FAM83B: variants seen among roughly 807,000 people sequenced by gnomAD.
The protein encoded by FAM83B is protein FAM83B.
FAM83B carries 26 observed loss-of-function variants against 38.8 expected under a neutral mutation model. The ratio of observed to expected loss-of-function variants is 0.67; its 90% confidence interval spans 0.49 to 0.93. The LOEUF (loss-of-function observed/expected upper bound fraction) is 0.93. FAM83B is among the 40% of genes least tolerant of loss of function. The pLI is 0.00. For synonymous variants in FAM83B, 419 were observed against 423.1 expected (o/e 0.99, Z 0.12); for missense variants, 1,237 against 1,197.3 (o/e 1.03, Z -0.49).
intron 2 of FAM83B, among the ~76,000 whole-genome samples, chr6:54,892,927 C>T (rs1772439795): frequency 6.6e-6 from 1 of 151,958 alleles, no homozygotes; most frequent in African/African-American, 2.4e-5. Flanking sequence ...ATGATTCCCC[C>T]TTGCTTTCTT....
Position 54,940,382 on chromosome 6 carries a change from G to T in FAM83B, c.1411G>T (p.Asp471Tyr), listed in dbSNP as rs371794676. The change falls in exon 5 of 5, where the codon GAT becomes TAT. Residue 471 changes from aspartate (D) to tyrosine (Y), a missense_variant. Asp to Tyr is a radical substitution (Grantham distance 160, BLOSUM62 -3). Coordinates refer to ENST00000306858, the MANE Select transcript of FAM83B (RefSeq NM_001010872.3). ...SNVRRSFNGTDNHIRFLQQRM... is the reference protein window; with the variant it reads ...SNVRRSFNGTYNHIRFLQQRM... ...TGTTCGGAGGTCTTTTAATGGGACA[G>T]ATAACCATATCCGCTTTTTGCAACA... 1.3e-5 allele frequency: 21 copies of T among 1,613,980 alleles called. No individual in the cohort carries two copies. The highest frequency in any genetic ancestry group is 1.7e-5 in the Non-Finnish European group (20 of 1,180,024).
chr6:54,906,680 G>A (rs560761428), intron 2 of FAM83B, among the ~76,000 whole-genome samples: 121 of 152,154 alleles, frequency 8.0e-4, no homozygotes, highest in African/African-American at 2.8e-3. Flanking sequence ...CACCATGTCT[G>A]GCCGAGAAAA....
intron 2 of FAM83B, among the ~76,000 whole-genome samples, chr6:54,879,410 C>A (rs1252676889): frequency 2.0e-5 from 3 of 152,184 alleles, no homozygotes; most frequent in African/African-American, 7.2e-5. Flanking sequence ...AACACTTAGT[C>A]TTTTCAAACA....
At chr6:54,872,009 G>C (rs1473868324) in intron 2 of FAM83B, among the ~76,000 whole-genome samples, 1 of 152,030 alleles carries the variant, frequency 6.6e-6, no homozygotes, top group Non-Finnish European at 1.5e-5. Context: ...CAACTAAAAG[G>C]CTAACAATAA....
chr6:54,874,165 G>A (rs1771932357), intron 2 of FAM83B, among the ~76,000 whole-genome samples: 1 of 152,004 alleles, frequency 6.6e-6, no homozygotes, highest in Non-Finnish European at 1.5e-5. Context: ...TAAGCAGAAT[G>A]TGATCTTTAT....
At chr6:54,920,136 T>A (rs1773138137) in intron 2 of FAM83B, among the ~76,000 whole-genome samples, 1 of 151,942 alleles carries the variant, frequency 6.6e-6, no homozygotes, top group Admixed American at 6.6e-5. Context: ...TATAGAAGGA[T>A]TTGGGCCAAA....
intron 2 of FAM83B, among the ~76,000 whole-genome samples, chr6:54,874,060 C>A (rs1771930209): frequency 6.6e-6 from 1 of 151,882 alleles, no homozygotes; most frequent in South Asian, 2.1e-4. Context: ...AGAGGTGAAA[C>A]ATTTTGTGTT....
chr6:54,894,574 A>G (rs940725804), intron 2 of FAM83B, among the ~76,000 whole-genome samples: 2 of 152,204 alleles, frequency 1.3e-5, no homozygotes, highest in Non-Finnish European at 2.9e-5. Context: ...TTAAGAATCT[A>G]TGCCATCTTA....
chr6:54,943,995 T>C lies in FAM83B; in HGVS notation c.*1988T>C, dbSNP rs1213990010. On this transcript the variant is annotated 3_prime_UTR_variant, in exon 5 of 5. Coordinates refer to ENST00000306858, the MANE Select transcript of FAM83B (RefSeq NM_001010872.3). Reference sequence around the variant, plus strand: ...GAATTGAGGAATACAGAATGCTTTATTTCATCATCCCCTGACAGGTGACTT... The same window carrying C: ...GAATTGAGGAATACAGAATGCTTTACTTCATCATCCCCTGACAGGTGACTT... 1 of 152,196 alleles carries C rather than the reference T, an allele frequency of 6.6e-6. No homozygotes were observed. Among genetic ancestry groups the C allele is most frequent in the Non-Finnish European group, 1.5e-5 (1 of 68,034 alleles). The allele number at this position is 152,196 out of a possible 1,614,324, so 9.4% of individuals were successfully genotyped here.
chr6:54,886,024 G>GT (rs1411952166), intron 2 of FAM83B, among the ~76,000 whole-genome samples: 12 of 151,876 alleles, frequency 7.9e-5, no homozygotes, highest in Non-Finnish European at 5.9e-5. Flanking sequence ...TTCTTAAAGA[G>GT]TTTTTATCAT....
intron 2 of FAM83B, among the ~76,000 whole-genome samples, chr6:54,910,587 T>G (rs9464161): frequency 0.029 from 4,368 of 152,290 alleles, 220 homozygotes; most frequent in African/African-American, 0.099. Context: ...TTCCGTTTGC[T>G]TGCTTGTTTT....
chr6:54,856,572 A>AAT (rs1276884267), intron 1 of FAM83B, among the ~76,000 whole-genome samples: 1 of 151,176 alleles, frequency 6.6e-6, no homozygotes, highest in East Asian at 1.9e-4. Context: ...ACACATTTAA[A>AAT]ATATATATTT....
At chr6:54,847,802 C>T (rs150673076) in intron 1 of FAM83B, among the ~76,000 whole-genome samples, 3 of 152,244 alleles carry the variant, frequency 2.0e-5, no homozygotes, top group South Asian at 4.2e-4. Context: ...TAGGGTCTCT[C>T]TGACCTAGAA....
chr6:54,887,496 G>A (rs1281245713), intron 2 of FAM83B, among the ~76,000 whole-genome samples: 2 of 152,084 alleles, frequency 1.3e-5, no homozygotes, highest in African/African-American at 4.8e-5. Context: ...TTTAATTCTT[G>A]TATAGTCCTC....
In FAM83B at chr6:54,857,394, G is replaced by C. The variant is rs187598394; in HGVS notation, c.-61+10568G>C. The stretch of plus-strand genomic sequence containing the variant: ...GTTTTTGTCTAAATATGTCTTTGTT[G>C]TAAATTATACTACATTTCTGAAACT... On this transcript the variant is annotated intron_variant, in intron 1 of 4. Coordinates refer to ENST00000306858, the MANE Select transcript of FAM83B (RefSeq NM_001010872.3). Among the ~76,000 whole-genome samples the C allele has an allele frequency of 2.6e-5, 4 of 152,258 alleles. No homozygotes were observed. The East Asian group carries it at 7.7e-4, about 29-fold the overall frequency.
chr6:54,887,737 T>G (rs981275697), intron 2 of FAM83B, among the ~76,000 whole-genome samples: 4 of 151,906 alleles, frequency 2.6e-5, no homozygotes, highest in Non-Finnish European at 5.9e-5. Flanking sequence ...CTTTATAAAA[T>G]TAGTATTTTA....
intron 1 of FAM83B, among the ~76,000 whole-genome samples, chr6:54,864,163 T>C (rs1771649322): frequency 1.3e-5 from 2 of 152,120 alleles, no homozygotes; most frequent in African/African-American, 4.8e-5. Flanking sequence ...GGTATTTTTT[T>C]CCCCCAATAT....
Position 54,868,568 on chromosome 6 carries a change from G to A in FAM83B, c.-60-1619G>A, listed in dbSNP as rs181032121. ...CGATAGCTTTTATACTAGCAGACAAGATGGGTGTTCTTCCTTTTTCTCTTG... is the reference window on the plus strand; with the variant it reads ...CGATAGCTTTTATACTAGCAGACAAAATGGGTGTTCTTCCTTTTTCTCTTG... On this transcript the variant is annotated intron_variant, in intron 1 of 4. Coordinates refer to ENST00000306858, the MANE Select transcript of FAM83B (RefSeq NM_001010872.3). Among the ~76,000 whole-genome samples the A allele has an allele frequency of 3.5e-3, 527 of 152,258 alleles. 3 individuals carry two copies. Among genetic ancestry groups the A allele is most frequent in the African/African-American group, 0.012 (513 of 41,548 alleles).
At chr6:54,857,742 TA>T (rs1429647388) in intron 1 of FAM83B, among the ~76,000 whole-genome samples, 4 of 152,138 alleles carry the variant, frequency 2.6e-5, no homozygotes, top group African/African-American at 9.7e-5. Flanking sequence ...AAATAGCACA[TA>T]AATAAATATT....
Sources: gnomAD v4.1 joint callset for allele counts (sites outside exome capture counted in the v4.1 genomes callset) on GRCh38, gnomAD v4.1.1 for gene constraint, MANE v1.5 for transcripts, NCBI Gene and HGNC (gene_info 2026-07-23, HGNC 2026-07-21) for gene names.